GRXCR2: variants seen among roughly 807,000 people sequenced by gnomAD.
GRXCR2 encodes glutaredoxin domain-containing cysteine-rich protein 2.
A neutral mutation model predicts 24.8 loss-of-function variants in GRXCR2; 23 were observed. That is an observed-to-expected ratio of 0.93 (90% CI 0.67 to 1.32). GRXCR2 has a LOEUF of 1.32. GRXCR2 is among the 40% of genes most tolerant of loss of function. The pLI, the probability that GRXCR2 is intolerant of heterozygous loss-of-function variation, is 0.00. For missense variants in GRXCR2, 315 were observed against 303.4 expected (o/e 1.04, Z -0.28); for synonymous variants, 130 against 116.1 (o/e 1.12, Z -0.77).
chr5:145,928,483 G>A (rs1160592731), intron 2 of GRXCR2, among the ~76,000 whole-genome samples: 1 of 152,160 alleles, frequency 6.6e-6, no homozygotes, highest in Non-Finnish European at 1.5e-5. Flanking sequence ...ATTCACAATA[G>A]CAAAGACTTG....
chr5:145,924,056 G>A (rs1054551890), intron 2 of GRXCR2, among the ~76,000 whole-genome samples: 34 of 152,042 alleles, frequency 2.2e-4, no homozygotes, highest in Admixed American at 1.8e-3. Flanking sequence ...GCCATGTTTA[G>A]TACCAAGCAG....
In GRXCR2 at chr5:145,866,559, T is replaced by C. The variant is rs755627545; in HGVS notation, c.506A>G (p.Gln169Arg). Residue 169 changes from glutamine (Q) to arginine (R), a missense_variant, in exon 2 of 3, where the codon CAG becomes CGG. Transcript: ENST00000377976. ...NKEESYGGRDQHDRPLVEAES... is the reference protein window; with the variant it reads ...NKEESYGGRDRHDRPLVEAES... ...TGCCTCCACCAAAGGTCTATCGTGC[T>C]GGTCCCTGCCTCCATAGCTTTCTTC... The C allele has an allele frequency of 6.2e-7, 1 of 1,614,226 alleles. No homozygotes were observed. Among genetic ancestry groups the C allele is most frequent in the Non-Finnish European group, 8.5e-7 (1 of 1,180,022 alleles).
downstream of GRXCR2, among the ~76,000 whole-genome samples, chr5:145,857,873 GTATC>G (rs1431576517): frequency 6.6e-6 from 1 of 152,104 alleles, no homozygotes; most frequent in Admixed American, 6.5e-5. Flanking sequence ...ATCCATTTAT[GTATC>G]TATCTCCTCC....
At position 145,866,551 on chromosome 5, in the gene GRXCR2, T is replaced by C. The variant is rs1278045359; in HGVS notation, c.514A>G (p.Arg172Gly). The stretch of plus-strand genomic sequence containing the variant: ...GTGCTTTCTGCCTCCACCAAAGGTC[T>C]ATCGTGCTGGTCCCTGCCTCCATAG... ...ESYGGRDQHD[R>G]PLVEAESTLP... Residue 172 changes from arginine (R) to glycine (G), a missense_variant, in exon 2 of 3, where the codon AGA becomes GGA. By Grantham distance (125) the Arg-to-Gly change is moderately radical. Transcript: ENST00000377976. 1.2e-6 allele frequency: 2 copies of C among 1,614,212 alleles called. No homozygotes were observed. Among genetic ancestry groups the C allele is most frequent in the Non-Finnish European group, 8.5e-7 (1 of 1,180,014 alleles).
At chr5:145,883,204 A>G (rs185340435) in intron 2 of GRXCR2, among the ~76,000 whole-genome samples, 2 of 152,224 alleles carry the variant, frequency 1.3e-5, no homozygotes, top group Non-Finnish European at 1.5e-5. Context: ...ACCTGTATAG[A>G]AAAGAGACTA....
intron 2 of GRXCR2, among the ~76,000 whole-genome samples, chr5:145,866,005 G>A (rs1756422785): frequency 6.6e-6 from 1 of 151,576 alleles, no homozygotes; most frequent in African/African-American, 2.4e-5. Context: ...GCATGGTGGT[G>A]GGTGCCTGAA....
At chr5:145,927,134 A>G (rs1471178318) in intron 2 of GRXCR2, among the ~76,000 whole-genome samples, 1 of 152,314 alleles carries the variant, frequency 6.6e-6, no homozygotes, top group Non-Finnish European at 1.5e-5. Flanking sequence ...TTGAGCTGAG[A>G]CGATGGGGTT....
chr5:145,918,717 G>A (rs895734386), intron 2 of GRXCR2, among the ~76,000 whole-genome samples: 1 of 152,070 alleles, frequency 6.6e-6, no homozygotes. Flanking sequence ...CATTACTTAG[G>A]GATTTCCCCC....
chr5:145,912,446 G>A (rs1171627804), intron 2 of GRXCR2, among the ~76,000 whole-genome samples: 1 of 152,154 alleles, frequency 6.6e-6, no homozygotes, highest in Non-Finnish European at 1.5e-5. Flanking sequence ...CCACTGCTCT[G>A]GGTGCTGGAG....
intron 1 of GRXCR2, among the ~76,000 whole-genome samples, chr5:145,870,116 G>A (rs898918106): frequency 1.3e-5 from 2 of 152,088 alleles, no homozygotes; most frequent in Admixed American, 1.3e-4. Flanking sequence ...CTTTCTAAGT[G>A]TACAACTCAG....
chr5:145,871,113 T>G (rs10061636), intron 1 of GRXCR2, among the ~76,000 whole-genome samples: 63,733 of 151,954 alleles, frequency 0.42, 14,640 homozygotes, highest in East Asian at 0.69. Flanking sequence ...AATGCTAAAT[T>G]TAGCACATGA....
intron 2 of GRXCR2, among the ~76,000 whole-genome samples, chr5:145,922,809 A>G (rs1229923820): frequency 2.0e-5 from 3 of 152,226 alleles, no homozygotes; most frequent in African/African-American, 4.8e-5. Flanking sequence ...TAACAAAACC[A>G]AAGCTAGGCC....
intron 2 of GRXCR2, among the ~76,000 whole-genome samples, chr5:145,911,367 C>T (rs1448217152): frequency 6.6e-6 from 1 of 152,178 alleles, no homozygotes; most frequent in Non-Finnish European, 1.5e-5. Flanking sequence ...GCAAGGTTCC[C>T]AGGGCAGCTG....
At chr5:145,917,939 A>C (rs35767915) in intron 2 of GRXCR2, among the ~76,000 whole-genome samples, 4,286 of 152,096 alleles carry the variant, frequency 0.028, 69 homozygotes, top group Middle Eastern at 0.054. Context: ...ACCACCATGC[A>C]CAGCTAATTT....
chr5:145,899,539 T>C (rs1012785512), intron 2 of GRXCR2, among the ~76,000 whole-genome samples: 8 of 152,138 alleles, frequency 5.3e-5, no homozygotes, highest in Non-Finnish European at 1.0e-4. Context: ...CAAAACAGTA[T>C]GGTACTGATA....
In GRXCR2 at chr5:145,905,173, C is replaced by G. The variant is rs539615719; in HGVS notation, c.-70+30528G>C. On this transcript the variant is annotated intron_variant, in intron 2 of 3. Coordinates refer to the GRXCR2 transcript ENST00000639411. ...TGTACTTACACAGTCACCAAAATAC[C>G]CTTGACTGATATAGAGTCAATATTG... Among the ~76,000 whole-genome samples the G allele has an allele frequency of 5.3e-5, 8 of 152,282 alleles. No homozygotes were observed. The East Asian group carries it at 1.5e-3, about 29-fold the overall frequency.
chr5:145,865,157 C>G (rs1197922590), intron 2 of GRXCR2, among the ~76,000 whole-genome samples: 1 of 152,120 alleles, frequency 6.6e-6, no homozygotes, highest in Non-Finnish European at 1.5e-5. Context: ...CACTCAAGTT[C>G]CAGAAAGCCC....
chr5:145,931,471 G>A (rs55959840), intron 2 of GRXCR2, among the ~76,000 whole-genome samples: 2 of 152,280 alleles, frequency 1.3e-5, no homozygotes, highest in African/African-American at 4.8e-5. Context: ...GTGATTGCAT[G>A]AGAATATTTT....
chr5:145,903,724 G>A (rs12109906), intron 2 of GRXCR2, among the ~76,000 whole-genome samples: 2,297 of 152,236 alleles, frequency 0.015, 51 homozygotes, highest in African/African-American at 0.052. Context: ...GGAAGAGAAC[G>A]ATGGATACAG....
Sources: gnomAD v4.1 joint callset for allele counts (sites outside exome capture counted in the v4.1 genomes callset) on GRCh38, gnomAD v4.1.1 for gene constraint, MANE v1.5 for transcripts, NCBI Gene and HGNC (gene_info 2026-07-23, HGNC 2026-07-21) for gene names.